The following TFEC variants were observed in gnomAD, a reference collection of about 807,000 sequenced individuals.
TFEC encodes class E basic helix-loop-helix protein 34.
In TFEC, 31 loss-of-function variants were observed where a neutral mutation model predicts 41.6. The observed-to-expected ratio is 0.74, with a 90% CI of 0.56 to 1.01. The LOEUF (loss-of-function observed/expected upper bound fraction) is 1.01. Among genes scored for constraint, TFEC ranks in the 50% least tolerant of loss-of-function variants. TFEC has a pLI of 0.00. For synonymous variants in TFEC, 143 were observed against 140.6 expected (o/e 1.02, Z -0.12); for missense variants, 402 against 404.1 (o/e 0.99, Z 0.04).
intron 1 of TFEC, among the ~76,000 whole-genome samples, chr7:115,985,828 A>G (rs1793829421): frequency 6.6e-6 from 1 of 152,104 alleles, no homozygotes; most frequent in Non-Finnish European, 1.5e-5. Flanking sequence ...TAATTTTTTT[A>G]GGGTAGCTAT....
At chr7:116,027,355 G>A (rs1328085417) in intron 1 of TFEC, among the ~76,000 whole-genome samples, 1 of 152,054 alleles carries the variant, frequency 6.6e-6, no homozygotes, top group Admixed American at 6.6e-5. Context: ...AGAGGCTGAG[G>A]CAACCACTTG....
chr7:116,093,009 A>AT (rs762597815), intron 3 of TFEC, among the ~76,000 whole-genome samples: 16 of 152,136 alleles, frequency 1.1e-4, no homozygotes, highest in Non-Finnish European at 1.2e-4. Context: ...TAGATTAATA[A>AT]TTTTTTACAA....
At chr7:116,086,016 T>A (rs1797196053) in intron 3 of TFEC, among the ~76,000 whole-genome samples, 1 of 151,910 alleles carries the variant, frequency 6.6e-6, no homozygotes, top group South Asian at 2.1e-4. Flanking sequence ...TTTCAGAGCC[T>A]GTGGTTGTCT....
intron 3 of TFEC, chr7:115,968,220 T>A: frequency 2.6e-6 from 4 of 1,531,596 alleles, no homozygotes; most frequent in Non-Finnish European, 3.5e-6. Flanking sequence ...ACCTTCACAA[T>A]AGCAATGGTT....
chr7:116,094,774 C>T (rs1584508254), intron 3 of TFEC, among the ~76,000 whole-genome samples: 1 of 152,250 alleles, frequency 6.6e-6, no homozygotes, highest in Middle Eastern at 3.4e-3. Flanking sequence ...GATGGTCCAA[C>T]TTACAAATGG....
intron 3 of TFEC, among the ~76,000 whole-genome samples, chr7:116,085,788 A>G (rs1257633210): frequency 2.6e-5 from 4 of 151,892 alleles, no homozygotes. Flanking sequence ...TGTGTGTAAA[A>G]TGTATTTGGT....
Position 115,936,757 on chromosome 7 carries a change from GTTTT to G in TFEC, c.*3790_*3793del, listed in dbSNP as rs1000540657. On this transcript the variant is annotated 3_prime_UTR_variant, in exon 8 of 8. Transcript: ENST00000265440. ...CCAAATCAAGACATTCTTTGTATCT[GTTTT>G]TTTAAGTAAGAGCTATTAAATATTT... is the stretch of plus-strand genomic sequence containing the variant. 4 of 151,142 alleles carry G rather than the reference GTTTT, an allele frequency of 2.6e-5. No individual in the cohort carries two copies. Among genetic ancestry groups the G allele is most frequent in the Non-Finnish European group, 5.9e-5 (4 of 67,522 alleles). 9.4% of individuals were successfully genotyped at this position (151,142 alleles called of 1,614,324 possible).
intron 1 of TFEC, among the ~76,000 whole-genome samples, chr7:116,000,987 ACACCCAGGATATC>A (rs1794571269): frequency 6.6e-6 from 1 of 152,166 alleles, no homozygotes; most frequent in African/African-American, 2.4e-5. Context: ...GAAACACAAA[ACACCCAGGATATC>A]CAAAGCTATC....
intron 3 of TFEC, among the ~76,000 whole-genome samples, chr7:116,052,154 C>T (rs925452789): frequency 2.0e-5 from 3 of 151,358 alleles, no homozygotes; most frequent in Non-Finnish European, 4.4e-5. Context: ...GCTCATTCAG[C>T]GTAAAACAAG....
chr7:116,141,124 AAGTGCTGTAAG>A (rs1798532263), intron 1 of TFEC, among the ~76,000 whole-genome samples: 2 of 152,170 alleles, frequency 1.3e-5, no homozygotes, highest in South Asian at 4.1e-4. Flanking sequence ...CTAAGTAAGT[AAGTGCTGTAAG>A]AGTTGTTTCA....
intron 1 of TFEC, among the ~76,000 whole-genome samples, chr7:116,129,385 A>T (rs1424228464): frequency 6.6e-6 from 1 of 151,814 alleles, no homozygotes; most frequent in Admixed American, 6.6e-5. Context: ...TAGTGGATCA[A>T]AGGAGTATAA....
intron 1 of TFEC, among the ~76,000 whole-genome samples, chr7:116,137,374 A>G (rs924264035): frequency 3.3e-5 from 5 of 152,144 alleles, no homozygotes; most frequent in Non-Finnish European, 7.4e-5. Context: ...AAATAAACAC[A>G]CACAGTGCCA....
chr7:115,946,645 CTTT>C (rs1791585208), intron 6 of TFEC, among the ~76,000 whole-genome samples: 1 of 129,444 alleles, frequency 7.7e-6, no homozygotes, highest in Non-Finnish European at 1.5e-5. Flanking sequence ...TCTTTATTTT[CTTT>C]TTCTTTCTTT....
At chr7:116,061,586 A>G (rs1796557308) in intron 3 of TFEC, among the ~76,000 whole-genome samples, 1 of 152,172 alleles carries the variant, frequency 6.6e-6, no homozygotes, top group Admixed American at 6.6e-5. Flanking sequence ...CATGATCCAG[A>G]AAAAATAAGA....
At chr7:116,005,708 T>C (rs978610755) in intron 1 of TFEC, among the ~76,000 whole-genome samples, 1 of 152,190 alleles carries the variant, frequency 6.6e-6, no homozygotes, top group Non-Finnish European at 1.5e-5. Context: ...GAAATTTGCA[T>C]AACTAATGAG....
rs141285336 is a variant in TFEC, at chr7:116,131,996, G to A, written c.-68-19958C>T. ...TTTTACTCTTGCTATAATCATATTA[G>A]GTCATTATGCTTCACTTTATGCTCC... is the stretch of plus-strand genomic sequence containing the variant. On this transcript the variant is annotated intron_variant, in intron 1 of 8. Transcript: ENST00000484212. Among the ~76,000 whole-genome samples the A allele has an allele frequency of 3.4e-3, 511 of 152,216 alleles. 2 individuals are homozygous for A. The highest frequency in any genetic ancestry group is 5.2e-3 in the Non-Finnish European group (352 of 68,010).
At chr7:116,030,035 C>T (rs1184409355) in intron 1 of TFEC, among the ~76,000 whole-genome samples, 1 of 152,166 alleles carries the variant, frequency 6.6e-6, no homozygotes, top group East Asian at 1.9e-4. Flanking sequence ...CATTGCACTC[C>T]AGCCTGGGTG....
At chr7:116,152,038 A>G (rs925018446) in intron 1 of TFEC, among the ~76,000 whole-genome samples, 13 of 152,138 alleles carry the variant, frequency 8.5e-5, no homozygotes, top group African/African-American at 2.4e-4. Flanking sequence ...GGTGCAGAGT[A>G]ATACTCATCT....
At chr7:116,090,732 A>G (rs982698280) in intron 3 of TFEC, among the ~76,000 whole-genome samples, 1 of 152,158 alleles carries the variant, frequency 6.6e-6, no homozygotes, top group Non-Finnish European at 1.5e-5. Context: ...TTACAATCTA[A>G]TAAGACATAG....
Sources: allele counts gnomAD v4.1 joint callset (sites outside exome capture counted in the v4.1 genomes callset), GRCh38; gene constraint gnomAD v4.1.1; transcripts MANE v1.5; gene names NCBI Gene and HGNC (gene_info 2026-07-23, HGNC 2026-07-21).